RBFOX1: variants seen among roughly 807,000 people sequenced by gnomAD.
RBFOX1 encodes the protein RNA binding fox-1 homolog 1.
In RBFOX1, 8 loss-of-function variants were observed where a neutral mutation model predicts 57.7. The observed-to-expected ratio is 0.14, with a 90% CI of 0.08 to 0.25. The LOEUF is 0.25. Ranked by LOEUF, RBFOX1 falls within the 10% of genes least tolerant of loss-of-function variation. The pLI is 1.00. For synonymous variants in RBFOX1, 326 were observed against 222.4 expected, an observed-to-expected ratio of 1.47 and a Z score of -4.15; for missense variants, 611 against 548.5, an observed-to-expected ratio of 1.11 and a Z score of -1.14.
intron 4 of RBFOX1, among the ~76,000 whole-genome samples, chr16:7,245,063 C>G (rs758870569): frequency 2.0e-5 from 3 of 152,102 alleles, no homozygotes; most frequent in South Asian, 2.1e-4. Context: ...GATTGTTTAC[C>G]TAAGAGAGTC....
At chr16:5,347,459 G>A (rs1318259022) in intron 1 of RBFOX1, among the ~76,000 whole-genome samples, 1 of 152,118 alleles carries the variant, frequency 6.6e-6, no homozygotes, top group African/African-American at 2.4e-5. Context: ...CACTAAATAA[G>A]CAGAAGAGAT....
intron 3 of RBFOX1, among the ~76,000 whole-genome samples, chr16:6,760,497 C>G (rs1423228890): frequency 6.6e-6 from 1 of 152,192 alleles, no homozygotes; most frequent in Non-Finnish European, 1.5e-5. Flanking sequence ...TACCAGCAAT[C>G]ACAGCGGACT....
rs760812321 is a variant in RBFOX1, at chr16:7,597,344, G to A, written c.562-27G>A. On this transcript the variant is annotated intron_variant, in intron 8 of 15. Coordinates refer to ENST00000550418, the MANE Select transcript of RBFOX1 (RefSeq NM_018723.4). The stretch of plus-strand genomic sequence containing the variant: ...ATTGGGAGCTGGCCCTAGAATATGT[G>A]CTTACTTGAGTTTTCTATGTACATA... The A allele has an allele frequency of 1.9e-6, 3 of 1,568,618 alleles. No homozygotes were observed. In the Admixed American group the frequency reaches 5.3e-5, roughly 27 times the overall value.
chr16:6,484,132 G>C (rs1453515708), intron 2 of RBFOX1, among the ~76,000 whole-genome samples: 3 of 152,302 alleles, frequency 2.0e-5, no homozygotes, highest in Admixed American at 1.3e-4. Context: ...TTTATTCCCA[G>C]AGATGAATAA....
chr16:6,927,715 G>T (rs1378386838), intron 3 of RBFOX1, among the ~76,000 whole-genome samples: 5 of 138,958 alleles, frequency 3.6e-5, no homozygotes, highest in Non-Finnish European at 4.6e-5. Flanking sequence ...CTGTAGCAAG[G>T]CTGATTATAA....
chr16:6,628,799 G>C (rs2098343752), intron 2 of RBFOX1, among the ~76,000 whole-genome samples: 1 of 152,150 alleles, frequency 6.6e-6, no homozygotes, highest in African/African-American at 2.4e-5. Flanking sequence ...CAAAGTTTAG[G>C]TATGATCTGT....
chr16:5,848,235 C>A (rs1185449163), intron 3 of RBFOX1, among the ~76,000 whole-genome samples: 1 of 152,234 alleles, frequency 6.6e-6, no homozygotes, highest in South Asian at 2.1e-4. Flanking sequence ...TCCAGCCCAC[C>A]ACCACTGGAC....
intron 1 of RBFOX1, among the ~76,000 whole-genome samples, chr16:5,378,923 C>G (rs2066060336): frequency 6.6e-6 from 1 of 151,472 alleles, no homozygotes; most frequent in Non-Finnish European, 1.5e-5. Flanking sequence ...CTTGGGATGA[C>G]CTTTTCTCCA....
chr16:7,556,741 A>C (rs1016150762), intron 5 of RBFOX1, among the ~76,000 whole-genome samples: 23 of 152,152 alleles, frequency 1.5e-4, no homozygotes, highest in African/African-American at 5.6e-4. Context: ...AATGGGCATA[A>C]TTTTACCACC....
intron 4 of RBFOX1, among the ~76,000 whole-genome samples, chr16:6,008,354 G>A (rs1490260676): frequency 2.0e-5 from 3 of 152,078 alleles, no homozygotes; most frequent in Admixed American, 2.0e-4. Flanking sequence ...TACATCCTAT[G>A]ATGAAGAAAT....
At chr16:7,669,443 C>T (rs1252963435) in intron 13 of RBFOX1, among the ~76,000 whole-genome samples, 1 of 152,244 alleles carries the variant, frequency 6.6e-6, no homozygotes, top group South Asian at 2.1e-4. Context: ...TGAGGTGTGA[C>T]AATGGTAAGA....
At chr16:6,930,684 A>C (rs1250224075) in intron 3 of RBFOX1, among the ~76,000 whole-genome samples, 1 of 152,190 alleles carries the variant, frequency 6.6e-6, no homozygotes, top group Admixed American at 6.5e-5. Flanking sequence ...TGCTGGGATT[A>C]CAGGTGTTAG....
At chr16:5,966,569 C>T (rs973476732) in intron 4 of RBFOX1, among the ~76,000 whole-genome samples, 4 of 152,220 alleles carry the variant, frequency 2.6e-5, no homozygotes, top group African/African-American at 9.6e-5. Context: ...GCAATTCTGC[C>T]TCAGCCTCCC....
At chr16:7,569,844 G>A (rs1012182041) in intron 5 of RBFOX1, among the ~76,000 whole-genome samples, 4 of 126,264 alleles carry the variant, frequency 3.2e-5, no homozygotes, top group African/African-American at 1.1e-4. Flanking sequence ...GGGAATGGGA[G>A]TGAGCGCCTC....
chr16:6,505,208 C>G (rs1340536820), intron 2 of RBFOX1, among the ~76,000 whole-genome samples: 1 of 152,142 alleles, frequency 6.6e-6, no homozygotes, highest in Non-Finnish European at 1.5e-5. Flanking sequence ...CCTTAAAGCT[C>G]TTGATTGTCA....
intron 3 of RBFOX1, among the ~76,000 whole-genome samples, chr16:5,754,213 C>T (rs892690510): frequency 6.6e-6 from 1 of 152,212 alleles, no homozygotes; most frequent in Non-Finnish European, 1.5e-5. Context: ...AGCTACTTAA[C>T]TTCTCTATGC....
chr16:7,346,458 T>A (rs992727373), intron 4 of RBFOX1, among the ~76,000 whole-genome samples: 10 of 152,282 alleles, frequency 6.6e-5, no homozygotes, highest in Admixed American at 3.9e-4. Context: ...CGTTTGATAA[T>A]GTCTCTGCTT....
Position 6,905,656 on chromosome 16 carries a change from C to T in RBFOX1, c.-15-146401C>T, listed in dbSNP as rs188778716. Among the ~76,000 whole-genome samples the T allele has an allele frequency of 5.6e-4, 85 of 152,164 alleles. 1 individual carries two copies. In the East Asian group the frequency reaches 0.015, roughly 27 times the overall value. The stretch of plus-strand genomic sequence containing the variant: ...ATTTTCCCCGTTTAGCAACATTGCC[C>T]CCACCATCACCACCAAAAGGGGAAA... On this transcript the variant is annotated intron_variant, in intron 3 of 15. Coordinates refer to ENST00000550418, the MANE Select transcript of RBFOX1 (RefSeq NM_018723.4).
At chr16:5,608,572 A>C (rs180897601) in intron 3 of RBFOX1, among the ~76,000 whole-genome samples, 6 of 152,358 alleles carry the variant, frequency 3.9e-5, no homozygotes, top group African/African-American at 1.2e-4. Flanking sequence ...TGTTATGAGG[A>C]TTCAACGAGT....
Sources: allele counts gnomAD v4.1 joint callset (sites outside exome capture counted in the v4.1 genomes callset), GRCh38; gene constraint gnomAD v4.1.1; transcripts MANE v1.5; gene names NCBI Gene and HGNC (gene_info 2026-07-23, HGNC 2026-07-21).